The following ATG13 variants were observed in gnomAD, a reference collection of about 807,000 sequenced individuals.
ATG13 encodes the protein autophagy-related protein 13.
In ATG13, 23 loss-of-function variants were observed where a neutral mutation model predicts 65.5. That is an observed-to-expected ratio of 0.35 (90% confidence interval 0.25 to 0.50). The LOEUF is 0.50. Among genes scored for constraint, ATG13 ranks in the 20% least tolerant of loss-of-function variants. ATG13 has a pLI of 0.98. For missense variants in ATG13, 566 were observed against 677.0 expected, an observed-to-expected ratio of 0.84 and a Z score of 1.82; for synonymous variants, 252 against 245.2, an observed-to-expected ratio of 1.03 and a Z score of -0.26.
At chr11:46,658,535 A>AT (rs912148307) in intron 10 of ATG13, among the ~76,000 whole-genome samples, 460 of 141,710 alleles carry the variant, frequency 3.2e-3, no homozygotes, top group Middle Eastern at 7.2e-3. Flanking sequence ...GTTTCTACCA[A>AT]TTTTTTTTTT....
intron 2 of ATG13, among the ~76,000 whole-genome samples, chr11:46,635,941 C>T (rs572547446): frequency 1.2e-3 from 178 of 152,196 alleles, no homozygotes; most frequent in African/African-American, 4.1e-3. Context: ...GCATTTCTTT[C>T]TTTCTTTGTT....
intron 4 of ATG13, 51 bp downstream of exon 4, chr11:46,645,470 A>C: frequency 6.6e-7 from 1 of 1,514,136 alleles, no homozygotes; most frequent in Non-Finnish European, 9.1e-7. Flanking sequence ...TGTCACAAGG[A>C]ATGTGTAAAG....
At chr11:46,644,739 T>C (rs532936147) in intron 3 of ATG13, among the ~76,000 whole-genome samples, 1 of 152,254 alleles carries the variant, frequency 6.6e-6, no homozygotes, top group South Asian at 2.1e-4. Context: ...AATCCTGAAA[T>C]GTTCAACTTT....
chr11:46,637,476 G>A (rs2054364471), intron 2 of ATG13, among the ~76,000 whole-genome samples: 1 of 152,042 alleles, frequency 6.6e-6, no homozygotes, highest in African/African-American at 2.4e-5. Context: ...GGGTTCAAGT[G>A]ATTCTCTTGC....
At chr11:46,629,453 A>G (rs1031790057) in intron 1 of ATG13, among the ~76,000 whole-genome samples, 1 of 151,788 alleles carries the variant, frequency 6.6e-6, no homozygotes, top group Non-Finnish European at 1.5e-5. Flanking sequence ...CTGGAGTGCA[A>G]TTGCATGATC....
intron 1 of ATG13, among the ~76,000 whole-genome samples, chr11:46,625,991 T>C (rs1032738298): frequency 3.3e-5 from 5 of 152,188 alleles, no homozygotes; most frequent in African/African-American, 4.8e-5. Context: ...AGACGGAGTC[T>C]GTCGCCCAGG....
At chr11:46,644,414 C>T in intron 3 of ATG13, 54 bp downstream of exon 3, 1 of 1,457,042 alleles carries the variant, frequency 6.9e-7, no homozygotes, top group Middle Eastern at 1.8e-4. Context: ...TTCCGTGCTT[C>T]TCCCTTTTGC....
Position 46,656,215 on chromosome 11 carries a change from A to G in ATG13, c.459-18A>G, listed in dbSNP as rs1565560688. The G allele has an allele frequency of 1.2e-6, 2 of 1,609,166 alleles. No individual in the cohort carries two copies. Among genetic ancestry groups the G allele is most frequent in the South Asian group, 1.1e-5 (1 of 90,940 alleles). ...AGTAAAGAATCAGGTAACATTTCTT[A>G]TTTTTTCTTCCATACAGGATATATT... On this transcript the variant is annotated intron_variant, in intron 7 of 18. Coordinates refer to ENST00000683050, the MANE Select transcript of ATG13 (RefSeq NM_001346311.2).
chr11:46,626,075 C>A (rs909682360), intron 1 of ATG13, among the ~76,000 whole-genome samples: 1 of 152,136 alleles, frequency 6.6e-6, no homozygotes, highest in African/African-American at 2.4e-5. Context: ...CCTGCCTCAG[C>A]CTCCCAAGTA....
At chr11:46,670,171 A>T (rs1407528531) in intron 18 of ATG13, among the ~76,000 whole-genome samples, 3 of 152,168 alleles carry the variant, frequency 2.0e-5, no homozygotes, top group Admixed American at 6.5e-5. Flanking sequence ...TTAAGGAGAA[A>T]AGCATGCCCA....
At chr11:46,627,829 C>A (rs747742667) in intron 1 of ATG13, among the ~76,000 whole-genome samples, 7 of 151,916 alleles carry the variant, frequency 4.6e-5, no homozygotes, top group Non-Finnish European at 1.0e-4. Context: ...TGCCTGCAAT[C>A]CCCAGCAGTC....
At chr11:46,646,872 A>G (rs1483541504) in intron 5 of ATG13, among the ~76,000 whole-genome samples, 1 of 148,998 alleles carries the variant, frequency 6.7e-6, no homozygotes, top group Admixed American at 6.7e-5. Flanking sequence ...CAGTCCTCCC[A>G]CCTCAGCCTC....
chr11:46,668,376 G>A (rs2134242132), intron 15 of ATG13, 123 bp from the exon 16 acceptor site: 1 of 944,732 alleles, frequency 1.1e-6, no homozygotes, highest in East Asian at 2.4e-5. Flanking sequence ...AGGAGCCTAA[G>A]GGGCAGCATG....
At chr11:46,642,546 C>G (rs1006754853) in intron 2 of ATG13, among the ~76,000 whole-genome samples, 1 of 152,058 alleles carries the variant, frequency 6.6e-6, no homozygotes, top group East Asian at 1.9e-4. Flanking sequence ...CTCAGGTGAT[C>G]CACCCTCCTC....
intron 5 of ATG13, among the ~76,000 whole-genome samples, chr11:46,647,226 A>G (rs540642054): frequency 1.3e-5 from 2 of 149,652 alleles, no homozygotes; most frequent in East Asian, 3.9e-4. Context: ...TTGTTTCTAG[A>G]GTGTGACTTG....
At chr11:46,662,795 A>G (rs1177596905) in intron 11 of ATG13, among the ~76,000 whole-genome samples, 1 of 152,174 alleles carries the variant, frequency 6.6e-6, no homozygotes, top group Non-Finnish European at 1.5e-5. Flanking sequence ...AGCAACTTCT[A>G]TTGGAGCTTT....
rs563160646 is a variant in ATG13, at chr11:46,648,107, C to G, written c.271-1030C>G. ...TAGCCAAATTACTTAACCCCACCCC[C>G]CCCAGCACTTTTTTTTCCTGCTCTG... On this transcript the variant is annotated intron_variant, in intron 5 of 18. Coordinates refer to ENST00000683050, the MANE Select transcript of ATG13 (RefSeq NM_001346311.2). Among the ~76,000 whole-genome samples, 45 of 150,722 alleles carry G rather than the reference C, an allele frequency of 3.0e-4. No homozygotes were observed. The South Asian group carries it at 9.1e-3, about 30-fold the overall frequency.
At chr11:46,629,003 C>T (rs1309204556) in intron 1 of ATG13, among the ~76,000 whole-genome samples, 11 of 149,972 alleles carry the variant, frequency 7.3e-5, no homozygotes, top group Non-Finnish European at 1.6e-4. Flanking sequence ...TGTGCAGTGG[C>T]GCGATCTTGG....
At chr11:46,663,196 G>A (rs761695563) in intron 11 of ATG13, among the ~76,000 whole-genome samples, 2 of 146,118 alleles carry the variant, frequency 1.4e-5, no homozygotes, top group Non-Finnish European at 3.0e-5. Flanking sequence ...AACCTGGGAG[G>A]TGGACATTGC....
Sources: allele counts gnomAD v4.1 joint callset (sites outside exome capture counted in the v4.1 genomes callset), GRCh38; gene constraint gnomAD v4.1.1; transcripts MANE v1.5; gene names NCBI Gene and HGNC (gene_info 2026-07-23, HGNC 2026-07-21).